Variants in ADAM29 observed in about 807,000 individuals in gnomAD.
ADAM29 encodes the protein ADAM metallopeptidase domain 29, also known as disintegrin and metalloproteinase domain-containing protein 29.
For missense variants in ADAM29, 969 were observed against 1,001.8 expected, an observed-to-expected ratio of 0.97 and a Z score of 0.44; for synonymous variants, 367 against 342.3, an observed-to-expected ratio of 1.07 and a Z score of -0.80.
intron 2 of ADAM29, among the ~76,000 whole-genome samples, chr4:174,922,351 G>A (rs1340765032): frequency 6.6e-6 from 1 of 152,198 alleles, no homozygotes. Context: ...TTAGAGAACT[G>A]AAGTCATAGA....
At chr4:174,919,741 T>C (rs569794666) in intron 1 of ADAM29, among the ~76,000 whole-genome samples, 1 of 152,270 alleles carries the variant, frequency 6.6e-6, no homozygotes, top group South Asian at 2.1e-4. Context: ...CAGAATAATG[T>C]CCCTTTTGAG....
chr4:174,934,264 A>G (rs190640597), intron 3 of ADAM29, among the ~76,000 whole-genome samples: 461 of 152,218 alleles, frequency 3.0e-3, no homozygotes, highest in Middle Eastern at 0.02. Flanking sequence ...TTTAAGTATC[A>G]TTAGTGAACT....
intron 1 of ADAM29, among the ~76,000 whole-genome samples, chr4:174,920,138 T>C (rs1192883002): frequency 6.6e-6 from 1 of 152,152 alleles, no homozygotes; most frequent in Admixed American, 6.6e-5. Flanking sequence ...AAGTCAAATA[T>C]CTCTTCCATC....
chr4:174,968,221 A>G (rs1746260932), intron 4 of ADAM29, among the ~76,000 whole-genome samples: 1 of 152,162 alleles, frequency 6.6e-6, no homozygotes, highest in Non-Finnish European at 1.5e-5. Flanking sequence ...GTGTGCATTC[A>G]CTGTCATTTG....
intron 4 of ADAM29, among the ~76,000 whole-genome samples, chr4:174,964,165 T>G (rs771432873): frequency 2.6e-5 from 4 of 152,058 alleles, no homozygotes; most frequent in Non-Finnish European, 5.9e-5. Flanking sequence ...TGGAGATAGC[T>G]TCTATAAAGA....
In ADAM29 at chr4:174,976,516, G is replaced by A. The variant is rs529478955; in HGVS notation, c.991G>A (p.Ala331Thr). ...TTTGGGCACTTTTTCAATTGCAGTGGCTCATCATCTAGGTCATAATTTGGG... is the reference window on the plus strand; with the variant it reads ...TTTGGGCACTTTTTCAATTGCAGTGACTCATCATCTAGGTCATAATTTGGG... The part of the protein sequence containing the change: ...KTLGTFSIAV[A>T]HHLGHNLGMN... The change falls in exon 5 of 5, where the codon GCT (alanine) becomes ACT (threonine). Residue 331 changes from alanine (A) to threonine (T), a missense_variant. Physicochemically the swap from Ala to Thr is moderately conservative, Grantham distance 58 (BLOSUM62 0). Transcript: ENST00000359240. 37 of 1,610,600 alleles carry A rather than the reference G, an allele frequency of 2.3e-5. No individual in the cohort carries two copies. In the South Asian group the frequency reaches 3.2e-4, roughly 14 times the overall value.
intron 4 of ADAM29, among the ~76,000 whole-genome samples, chr4:174,966,175 G>C (rs1029212223): frequency 2.6e-5 from 4 of 152,124 alleles, no homozygotes; most frequent in African/African-American, 9.7e-5. Flanking sequence ...TAAATGACAA[G>C]AAAACTGAAT....
intron 4 of ADAM29, among the ~76,000 whole-genome samples, chr4:174,944,905 C>T (rs1744754141): frequency 1.3e-5 from 2 of 152,022 alleles, no homozygotes; most frequent in Admixed American, 6.6e-5. Context: ...TGTATATGTA[C>T]CACATTTTCT....
chr4:174,962,141 T>C (rs1163398041), intron 4 of ADAM29, among the ~76,000 whole-genome samples: 1 of 152,218 alleles, frequency 6.6e-6, no homozygotes, highest in Admixed American at 6.5e-5. Flanking sequence ...AAGTAAATAC[T>C]GATTATTAAC....
intron 4 of ADAM29, among the ~76,000 whole-genome samples, chr4:174,969,512 A>G (rs1436853320): frequency 6.6e-6 from 1 of 152,014 alleles, no homozygotes; most frequent in Non-Finnish European, 1.5e-5. Context: ...AGTAACAATT[A>G]AACTCACAAT....
Position 174,978,046 on chromosome 4 carries a change from C to G in ADAM29, c.*58C>G. ...ACCTCCTGTGACGCCCTCCCAGAGC[C>G]AACCTCGGGTGACACCCTCCCAGAG... is the stretch of plus-strand genomic sequence containing the variant. On this transcript the variant is annotated 3_prime_UTR_variant, in exon 5 of 5. Transcript: ENST00000359240. The G allele has an allele frequency of 6.3e-7, 1 of 1,593,982 alleles. No homozygotes were observed. The highest frequency in any genetic ancestry group is 8.6e-7 in the Non-Finnish European group (1 of 1,167,620).
chr4:174,959,122 G>A (rs1012832813), intron 4 of ADAM29, among the ~76,000 whole-genome samples: 4 of 151,368 alleles, frequency 2.6e-5, no homozygotes, highest in African/African-American at 7.3e-5. Context: ...TTCTTCTTCC[G>A]GAAAAACTTT....
rs70947477 is a variant in ADAM29 at position 174,965,244 on chromosome 4, A to AAGAG, written c.-180-10094_-180-10091dup. 1.8e-3 allele frequency among the ~76,000 whole-genome samples: 273 copies of AAGAG among 151,700 alleles called. 2 individuals are homozygous for AAGAG. The highest frequency in any genetic ancestry group is 6.3e-3 in the African/African-American group (262 of 41,260). On this transcript the variant is annotated intron_variant, in intron 4 of 4. Coordinates refer to ENST00000359240, the MANE Select transcript of ADAM29 (RefSeq NM_014269.4). ...AAGATCAGAGGGTAAGGGAGGAAGC[A>AAGAG]AGAGAGAGAGAAACCAAGGAAGCCA...
intron 4 of ADAM29, among the ~76,000 whole-genome samples, chr4:174,961,099 G>A (rs1350474032): frequency 6.6e-6 from 1 of 152,034 alleles, no homozygotes; most frequent in Non-Finnish European, 1.5e-5. Context: ...ATAAAATGAG[G>A]TGTTTCCTGA....
intron 3 of ADAM29, among the ~76,000 whole-genome samples, chr4:174,934,601 C>A (rs1278661373): frequency 6.6e-6 from 1 of 152,036 alleles, no homozygotes; most frequent in Non-Finnish European, 1.5e-5. Context: ...TTTTTCAATT[C>A]ATCTTATTAT....
At chr4:174,954,504 T>C (rs953312782) in intron 4 of ADAM29, among the ~76,000 whole-genome samples, 16 of 152,202 alleles carry the variant, frequency 1.1e-4, no homozygotes, top group African/African-American at 3.1e-4. Flanking sequence ...ACCGAATCTG[T>C]TTAATTATCC....
intron 4 of ADAM29, among the ~76,000 whole-genome samples, chr4:174,958,047 A>C (rs974231328): frequency 6.6e-6 from 1 of 151,696 alleles, no homozygotes; most frequent in African/African-American, 2.4e-5. Context: ...TATGATTTAG[A>C]TTCTTTTAAA....
chr4:174,919,503 G>A (rs562659983), intron 1 of ADAM29, among the ~76,000 whole-genome samples: 11 of 152,256 alleles, frequency 7.2e-5, no homozygotes, highest in African/African-American at 9.6e-5. Flanking sequence ...CTCACAAGCC[G>A]AAATCAAGGC....
At chr4:174,946,990 C>G (rs1321845813) in intron 4 of ADAM29, among the ~76,000 whole-genome samples, 1 of 151,962 alleles carries the variant, frequency 6.6e-6, no homozygotes, top group African/African-American at 2.4e-5. Context: ...ATGTTTTCAG[C>G]AGTTTATCCA....
Sources: allele counts gnomAD v4.1 joint callset (sites outside exome capture counted in the v4.1 genomes callset), GRCh38; gene constraint gnomAD v4.1.1; transcripts MANE v1.5; gene names NCBI Gene and HGNC (gene_info 2026-07-23, HGNC 2026-07-21).